The following CD99L2 variants were observed in gnomAD, a reference collection of about 807,000 sequenced individuals.
The protein encoded by CD99L2 is CD99 antigen-like protein 2.
Under a neutral mutation model 27.3 loss-of-function variants are expected in CD99L2, and 24 were observed. The ratio of observed to expected loss-of-function variants is 0.88; its 90% CI spans 0.64 to 1.24. The LOEUF (loss-of-function observed/expected upper bound fraction) is 1.24. Ranked by LOEUF, CD99L2 falls within the 50% of genes most tolerant of loss-of-function variation. CD99L2 has a pLI of 0.00. For missense variants in CD99L2, 255 were observed against 221.6 expected, an observed-to-expected ratio of 1.15 and a Z score of -0.96; for synonymous variants, 97 against 87.9, an observed-to-expected ratio of 1.10 and a Z score of -0.58.
intron 4 of CD99L2, among the ~76,000 whole-genome samples, chrX:150,810,436 C>G (rs782787199): frequency 9.0e-6 from 1 of 111,243 alleles, no homozygotes; most frequent in Non-Finnish European, 1.9e-5. Context: ...TTATGAGATA[C>G]AGCAACAGCC....
intron 2 of CD99L2, among the ~76,000 whole-genome samples, chrX:150,830,211 T>C (rs782756552): frequency 2.8e-5 from 3 of 105,852 alleles, no homozygotes; most frequent in Non-Finnish European, 3.9e-5. Flanking sequence ...AAAAGGAAAA[T>C]TGATAACAAA....
At chrX:150,850,049 G>A (rs1306371563) in intron 1 of CD99L2, among the ~76,000 whole-genome samples, 1 of 111,850 alleles carries the variant, frequency 8.9e-6, no homozygotes, top group Non-Finnish European at 1.9e-5. Context: ...CTGTTTACAA[G>A]CCCAGTGGGG....
intron 4 of CD99L2, among the ~76,000 whole-genome samples, chrX:150,795,810 T>G (rs1557419897): frequency 9.0e-6 from 1 of 111,690 alleles, no homozygotes; most frequent in Non-Finnish European, 1.9e-5. Flanking sequence ...GAGCTTGAGC[T>G]CCAAGCCTTG....
At chrX:150,778,683 A>AT (rs1557419363) in intron 7 of CD99L2, among the ~76,000 whole-genome samples, 19 of 27,202 alleles carry the variant, frequency 7.0e-4, no homozygotes, top group African/African-American at 1.3e-3. Flanking sequence ...TAAAAAAAAA[A>AT]AAATATATAT....
At chrX:150,801,634 C>T (rs1372020903) in intron 4 of CD99L2, among the ~76,000 whole-genome samples, 1 of 109,966 alleles carries the variant, frequency 9.1e-6, no homozygotes, top group African/African-American at 3.3e-5. Flanking sequence ...AAAAAAAAAA[C>T]ATATAGACTA....
chrX:150,814,861 C>T lies in CD99L2; in HGVS notation c.277+1G>A. 8.3e-7 allele frequency: 1 copy of T among 1,204,395 alleles called. No homozygotes were observed. Among genetic ancestry groups the T allele is most frequent in the Admixed American group, 2.2e-5 (1 of 45,912 alleles). ...AGTAGTTTCAACCAGCAAAGACTTA[C>T]CTCTTCCTCCTATACCCGGTTTCCT... On this transcript the variant is annotated splice_donor_variant, in intron 4 of 10. Coordinates refer to ENST00000370377, the MANE Select transcript of CD99L2 (RefSeq NM_031462.4). LOFTEE classifies it high-confidence loss of function.
intron 1 of CD99L2, among the ~76,000 whole-genome samples, chrX:150,834,393 G>A (rs1199560040): frequency 1.3e-4 from 15 of 112,160 alleles, no homozygotes; most frequent in African/African-American, 4.9e-4. Flanking sequence ...TCGGGAGGCT[G>A]AGGCAGGAGA....
At chrX:150,829,824 T>C (rs782462051) in intron 2 of CD99L2, among the ~76,000 whole-genome samples, 2 of 111,653 alleles carry the variant, frequency 1.8e-5, no homozygotes, top group African/African-American at 6.5e-5. Flanking sequence ...AAGGGAAACC[T>C]TGGCTTTACT....
chrX:150,870,615 C>T (rs1299095457), intron 1 of CD99L2, among the ~76,000 whole-genome samples: 3 of 111,091 alleles, frequency 2.7e-5, no homozygotes, highest in Non-Finnish European at 5.7e-5. Flanking sequence ...TGTTTTAATG[C>T]CTGGTCACAA....
chrX:150,768,984 G>A lies in CD99L2; in HGVS notation c.*50C>T, dbSNP rs868958793. On this transcript the variant is annotated 3_prime_UTR_variant, in exon 11 of 11. Transcript: ENST00000370377. ...TCCAAATGAAGGGGTGGGGGGAGCC[G>A]GGTGACAAGCGGTGGCACCATTGTG... is the stretch of plus-strand genomic sequence containing the variant. The A allele has an allele frequency of 1.5e-5, 17 of 1,113,399 alleles. No individual in the cohort carries two copies. The Middle Eastern group carries it at 1.3e-3, about 84-fold the overall frequency. 91.8% of individuals were successfully genotyped at this position (1,113,399 alleles called of 1,213,427 possible). A position where few individuals can be genotyped will look rare whatever the true frequency, so the allele number is the denominator to read the frequency against.
At chrX:150,773,899 G>A (rs1353994239) in intron 9 of CD99L2, among the ~76,000 whole-genome samples, 2 of 111,949 alleles carry the variant, frequency 1.8e-5, no homozygotes, top group East Asian at 2.8e-4. Flanking sequence ...TAGCCTTTTC[G>A]TTCAAAGAGC....
chrX:150,776,232 G>T lies in CD99L2; in HGVS notation c.597C>A (p.Ile199=). Residue 199 remains isoleucine (I), a synonymous_variant, in exon 9 of 11, where the codon ATC becomes ATA. Transcript: ENST00000370377. ...AGGAGATGTAGCTGGAGACGGCACCGATGAGGGCCATGGCCAGGGCGCTGG... is the reference window on the plus strand; with the variant it reads ...AGGAGATGTAGCTGGAGACGGCACCTATGAGGGCCATGGCCAGGGCGCTGG... ...GVASALAMAL[I]GAVSSYISYQ... is the part of the protein sequence containing the mutation. 6 of 1,211,589 alleles carry T rather than the reference G, an allele frequency of 5.0e-6. No homozygotes were observed. The highest frequency in any genetic ancestry group is 5.6e-6 in the Non-Finnish European group (5 of 895,212).
At chrX:150,886,005 T>A (rs2047403001) in intron 1 of CD99L2, among the ~76,000 whole-genome samples, 3 of 112,158 alleles carry the variant, frequency 2.7e-5, no homozygotes, top group African/African-American at 9.7e-5. Flanking sequence ...ATGCATATGG[T>A]CTCACTAGGG....
chrX:150,814,916 C>CAGCCA lies in CD99L2; in HGVS notation c.218_222dup (p.Asp75TrpfsTer17). ...CCATCATCTTGATCATCCAAAGCAT[C>CAGCCA]AGCCAAGTCCAATCCACTACCTTCA... is the stretch of plus-strand genomic sequence containing the variant. On this transcript the variant is annotated frameshift_variant, in exon 4 of 11. Coordinates refer to ENST00000370377, the MANE Select transcript of CD99L2 (RefSeq NM_031462.4). LOFTEE classifies it high-confidence loss of function. 8.3e-7 allele frequency: 1 copy of CAGCCA among 1,211,521 alleles called. No individual in the cohort carries two copies. The highest frequency in any genetic ancestry group is 1.1e-6 in the Non-Finnish European group (1 of 895,320).
At chrX:150,776,423 G>A in intron 8 of CD99L2, 130 bp from the exon 9 acceptor site, 1 of 749,140 alleles carries the variant, frequency 1.3e-6, no homozygotes, top group Non-Finnish European at 1.9e-6. Context: ...GCCAGCAGGA[G>A]AGGGCCATGC....
intron 9 of CD99L2, among the ~76,000 whole-genome samples, chrX:150,773,623 A>T (rs965364143): frequency 2.7e-5 from 3 of 112,492 alleles, no homozygotes; most frequent in Non-Finnish European, 3.8e-5. Flanking sequence ...GAACCTGTGA[A>T]CATGGCCTTA....
intron 7 of CD99L2, among the ~76,000 whole-genome samples, chrX:150,789,413 C>T (rs781802541): frequency 4.5e-5 from 5 of 112,053 alleles, no homozygotes; most frequent in East Asian, 2.8e-4. Flanking sequence ...TGAGCCACCA[C>T]GCCCGGCCTA....
At chrX:150,877,438 T>C (rs1335425543) in intron 1 of CD99L2, among the ~76,000 whole-genome samples, 3 of 111,761 alleles carry the variant, frequency 2.7e-5, no homozygotes, top group Non-Finnish European at 5.6e-5. Context: ...AGATAAGTGA[T>C]TATAAAGGGA....
At chrX:150,885,650 A>G (rs2047397587) in intron 1 of CD99L2, among the ~76,000 whole-genome samples, 1 of 112,277 alleles carries the variant, frequency 8.9e-6, no homozygotes, top group Non-Finnish European at 1.9e-5. Context: ...GTAATTGTGT[A>G]CACATTTGGT....
Sources: allele counts gnomAD v4.1 joint callset (sites outside exome capture counted in the v4.1 genomes callset), GRCh38; gene constraint gnomAD v4.1.1; transcripts MANE v1.5; gene names NCBI Gene and HGNC (gene_info 2026-07-23, HGNC 2026-07-21).